Variants in NDUFAF5 observed in about 807,000 individuals in gnomAD.
The protein encoded by NDUFAF5 is arginine-hydroxylase NDUFAF5, mitochondrial.
Under a neutral mutation model 48.9 loss-of-function variants are expected in NDUFAF5, and 34 were observed. The observed-to-expected ratio is 0.70, with a 90% CI of 0.53 to 0.93. The LOEUF is 0.93. NDUFAF5 is among the 40% of genes least tolerant of loss of function. The pLI is 0.00. For missense variants in NDUFAF5, 428 were observed against 427.5 expected (o/e 1.00, Z -0.01); for synonymous variants, 153 against 150.6 (o/e 1.02, Z -0.12).
rs766354061 is a variant in NDUFAF5 at position 13,794,961 on chromosome 20, A to G, written c.479+20A>G. Reference sequence around the variant, plus strand: ...TTTAAGGTTGGTAATCCACTTTTTAAAAACCATATGTTATAAACAGATCAT... The same window carrying G: ...TTTAAGGTTGGTAATCCACTTTTTAGAAACCATATGTTATAAACAGATCAT... On this transcript the variant is annotated intron_variant, in intron 5 of 10. Coordinates refer to ENST00000378106, the MANE Select transcript of NDUFAF5 (RefSeq NM_024120.5). 16 of 1,487,786 alleles carry G rather than the reference A, an allele frequency of 1.1e-5. No individual in the cohort carries two copies. In the South Asian group the frequency reaches 1.8e-4, roughly 17 times the overall value. The allele number at this position is 1,487,786 out of a possible 1,614,324, so 92.2% of individuals were successfully genotyped here.
rs1279505740 is a variant in NDUFAF5, at chr20:13,817,435, A to C, written c.*225A>C. 1.5e-6 allele frequency: 1 copy of C among 649,848 alleles called. No homozygotes were observed. The highest frequency in any genetic ancestry group is 1.5e-5 in the South Asian group (1 of 66,382). The allele number at this position is 649,848 out of a possible 1,614,324, so 40.3% of individuals were successfully genotyped here. ...GAGTGTCTTTGCAGATTCAGCCTAA[A>C]AGCAAAGAAAATATTTCCCTAAAAT... On this transcript the variant is annotated 3_prime_UTR_variant, in exon 11 of 11. Coordinates refer to ENST00000378106, the MANE Select transcript of NDUFAF5 (RefSeq NM_024120.5).
At position 13,817,738 on chromosome 20, in the gene NDUFAF5, A is replaced by T; in HGVS notation, c.*528A>T. 6.6e-6 allele frequency: 3 copies of T among 454,010 alleles called. No individual in the cohort carries two copies. The highest frequency in any genetic ancestry group is 1.3e-5 in the Non-Finnish European group (3 of 226,778). The allele number at this position is 454,010 out of a possible 1,614,324, so 28.1% of individuals were successfully genotyped here. Reference sequence around the variant, plus strand: ...CCACCATGGTTTTACACCCCACCCTACCTTAGGGAAGAAGAAAACATTTTA... The same window carrying T: ...CCACCATGGTTTTACACCCCACCCTTCCTTAGGGAAGAAGAAAACATTTTA... On this transcript the variant is annotated 3_prime_UTR_variant, in exon 11 of 11. Coordinates refer to ENST00000378106, the MANE Select transcript of NDUFAF5 (RefSeq NM_024120.5).
chr20:13,794,256 G>T (rs1292219084), intron 4 of NDUFAF5, among the ~76,000 whole-genome samples: 1 of 150,944 alleles, frequency 6.6e-6, no homozygotes, highest in Non-Finnish European at 1.5e-5. Flanking sequence ...TACTTCGGTT[G>T]TTTCACTAAA....
Position 13,800,605 on chromosome 20 carries a change from G to T in NDUFAF5, c.520-881G>T, listed in dbSNP as rs142528009. ...TTGTTTTAAAGCTGGAAAATAAATT[G>T]ATTACTTCTCTTTAACGAAAGGTAA... On this transcript the variant is annotated intron_variant, in intron 6 of 10. Transcript: ENST00000378106. Among the ~76,000 whole-genome samples, 509 of 152,320 alleles carry T rather than the reference G, an allele frequency of 3.3e-3. 1 individual carries two copies. Among genetic ancestry groups the T allele is most frequent in the African/African-American group, 0.011 (478 of 41,582 alleles).
At chr20:13,804,876 T>G (rs74179720) in intron 7 of NDUFAF5, among the ~76,000 whole-genome samples, 3,047 of 152,316 alleles carry the variant, frequency 0.02, 52 homozygotes, top group Middle Eastern at 0.061. Flanking sequence ...ACTGGGATGT[T>G]GTACACAAAA....
At chr20:13,785,367 C>T in intron 1 of NDUFAF5, 77 bp downstream of exon 1, 1 of 1,306,322 alleles carries the variant, frequency 7.7e-7, no homozygotes, top group East Asian at 2.5e-5. Flanking sequence ...TCCGGCTAGG[C>T]CCCGAGCTCA....
chr20:13,816,992 G>T, intron 10 of NDUFAF5, 35 bp downstream of exon 10: 1 of 1,554,102 alleles, frequency 6.4e-7, no homozygotes. Context: ...TTTCTTAGTG[G>T]GTTCGTGTTC....
chr20:13,814,372 A>T (rs2273318), intron 8 of NDUFAF5: 3 of 958,578 alleles, frequency 3.1e-6, no homozygotes, highest in African/African-American at 1.7e-5. Context: ...TTTTTTTCTT[A>T]ATGGTTGTGG....
chr20:13,785,313 C>T (rs1980817793), intron 1 of NDUFAF5, 23 bp downstream of exon 1: 1 of 1,573,656 alleles, frequency 6.4e-7, no homozygotes, highest in African/African-American at 1.3e-5. Context: ...GGCGGCGGGG[C>T]GGCGGGGCGG....
intron 8 of NDUFAF5, among the ~76,000 whole-genome samples, chr20:13,813,884 T>C (rs1986157899): frequency 6.6e-6 from 1 of 152,148 alleles, no homozygotes. Flanking sequence ...GGGAAATGAA[T>C]AGGATCAGAG....
chr20:13,809,039 T>G, intron 8 of NDUFAF5, 137 bp downstream of exon 8: 1 of 676,098 alleles, frequency 1.5e-6, no homozygotes. Flanking sequence ...AGGGATCCAT[T>G]GTTGAGGAGA....
intron 2 of NDUFAF5, among the ~76,000 whole-genome samples, chr20:13,788,145 T>C (rs1462694286): frequency 6.6e-6 from 1 of 152,216 alleles, no homozygotes; most frequent in African/African-American, 2.4e-5. Context: ...AAGTTCTTAT[T>C]TTTTAGTTTA....
chr20:13,790,285 TTGA>T (rs1315504786), intron 3 of NDUFAF5, among the ~76,000 whole-genome samples: 6 of 152,300 alleles, frequency 3.9e-5, no homozygotes, highest in Non-Finnish European at 8.8e-5. Flanking sequence ...TCAACAGAAC[TTGA>T]TGACTGATCA....
In NDUFAF5 at chr20:13,785,111, TG is replaced by T; in HGVS notation, c.46del (p.Ala16ArgfsTer29). The T allele has an allele frequency of 3.1e-6, 5 of 1,613,626 alleles. No homozygotes were observed. Among genetic ancestry groups the T allele is most frequent in the Non-Finnish European group, 4.2e-6 (5 of 1,179,938 alleles). On this transcript the variant is annotated frameshift_variant, in exon 1 of 11. Coordinates refer to ENST00000378106, the MANE Select transcript of NDUFAF5 (RefSeq NM_024120.5). LOFTEE classifies it high-confidence loss of function. Reference protein sequence around the residue: ...AGLWRLCRRPWAARVPAENLG... With the variant: ...AGLWRLCRRPXAARVPAENLG... ...GCTCTGGCGCTTATGTCGGCGACCT[TG>T]GGCGGCGAGGGTCCCAGCGGAGAAT...
intron 7 of NDUFAF5, among the ~76,000 whole-genome samples, chr20:13,803,896 C>G (rs926804311): frequency 1.3e-5 from 2 of 152,102 alleles, no homozygotes; most frequent in African/African-American, 4.8e-5. Context: ...AGTGATTCCC[C>G]TGCCTCAGCC....
intron 5 of NDUFAF5, among the ~76,000 whole-genome samples, chr20:13,796,642 C>G (rs891720635): frequency 6.6e-6 from 1 of 152,104 alleles, no homozygotes; most frequent in Non-Finnish European, 1.5e-5. Context: ...ATATGACTTT[C>G]GCTGTCACGC....
At chr20:13,790,518 A>G (rs191686442) in intron 3 of NDUFAF5, among the ~76,000 whole-genome samples, 3 of 152,216 alleles carry the variant, frequency 2.0e-5, no homozygotes, top group African/African-American at 7.2e-5. Flanking sequence ...GTAGCCTCCT[A>G]TTGGTCTCCC....
intron 4 of NDUFAF5, 72 bp from the exon 5 acceptor site, chr20:13,794,766 C>T (rs1022386425): frequency 4.4e-5 from 43 of 968,742 alleles, no homozygotes; most frequent in African/African-American, 1.5e-4. Context: ...TTCAATTTAA[C>T]AAACAGTGAT....
chr20:13,814,382 G>T (rs956716936), intron 8 of NDUFAF5: 33 of 1,035,282 alleles, frequency 3.2e-5, no homozygotes, highest in Non-Finnish European at 4.2e-5. Context: ...AATGGTTGTG[G>T]TGTGTCTCAT....
Sources: gnomAD v4.1 joint callset for allele counts (sites outside exome capture counted in the v4.1 genomes callset) on GRCh38, gnomAD v4.1.1 for gene constraint, MANE v1.5 for transcripts, NCBI Gene and HGNC (gene_info 2026-07-23, HGNC 2026-07-21) for gene names.